ILRUN: variants seen among roughly 807,000 people sequenced by gnomAD.
ILRUN encodes protein ILRUN.
In ILRUN, 3 loss-of-function variants were observed where a neutral mutation model predicts 33.8. That is an observed-to-expected ratio of 0.09 (90% CI 0.04 to 0.23). The LOEUF (loss-of-function observed/expected upper bound fraction) is 0.23. ILRUN is among the 10% of genes least tolerant of loss of function. The pLI is 1.00. For missense variants in ILRUN, 210 were observed against 375.1 expected, an observed-to-expected ratio of 0.56 and a Z score of 3.64; for synonymous variants, 124 against 138.9, an observed-to-expected ratio of 0.89 and a Z score of 0.75.
At chr6:34,652,139 T>C (rs910072609) in intron 2 of ILRUN, among the ~76,000 whole-genome samples, 12 of 152,026 alleles carry the variant, frequency 7.9e-5, no homozygotes, top group Admixed American at 7.2e-4. Flanking sequence ...AAATTCAGAA[T>C]AAAAACATGA....
chr6:34,635,760 T>G (rs1333813821), intron 3 of ILRUN, among the ~76,000 whole-genome samples: 3 of 151,954 alleles, frequency 2.0e-5, no homozygotes, highest in African/African-American at 4.8e-5. Flanking sequence ...GTAGCTGGGA[T>G]TACAGGTACC....
chr6:34,634,646 T>C (rs984865567), intron 3 of ILRUN, among the ~76,000 whole-genome samples: 2 of 152,064 alleles, frequency 1.3e-5, no homozygotes, highest in Non-Finnish European at 2.9e-5. Context: ...AAAAGGATAA[T>C]AAGAGGATAC....
intron 1 of ILRUN, among the ~76,000 whole-genome samples, chr6:34,683,728 G>C (rs896390698): frequency 1.3e-5 from 2 of 151,720 alleles, no homozygotes; most frequent in Non-Finnish European, 2.9e-5. Context: ...TTGGTCTTCA[G>C]TGTTTTAAAA....
intron 4 of ILRUN, among the ~76,000 whole-genome samples, chr6:34,601,085 T>C (rs556515085): frequency 4.6e-5 from 7 of 152,268 alleles, no homozygotes; most frequent in East Asian, 3.9e-4. Flanking sequence ...ACTGAGCCTA[T>C]TGTCTCTGCG....
chr6:34,685,079 T>C (rs1407491651), intron 1 of ILRUN, among the ~76,000 whole-genome samples: 1 of 152,208 alleles, frequency 6.6e-6, no homozygotes, highest in Non-Finnish European at 1.5e-5. Flanking sequence ...GGACTATGCC[T>C]ATGTTACTCT....
In ILRUN at chr6:34,682,262, T is replaced by TTTGTTTTGTTTTG. The variant is rs1562032014; in HGVS notation, c.158+14183_158+14184insCAAAACAAAACAA. 3.9e-3 allele frequency among the ~76,000 whole-genome samples: 517 copies of TTTGTTTTGTTTTG among 133,104 alleles called. 13 individuals are homozygous for TTTGTTTTGTTTTG. The highest frequency in any genetic ancestry group is 0.014 in the African/African-American group (469 of 33,016). 87.3% of individuals were successfully genotyped at this position (133,104 alleles called of 152,430 possible). A position where few individuals can be genotyped will look rare whatever the true frequency, so the allele number is the denominator to read the frequency against. ...TCCCTGCAACCTCTGTTTTTTTTTT[T>TTTGTTTTGTTTTG]TTTTTTTTTTTTTTTGAGACAGTCT... On this transcript the variant is annotated intron_variant, in intron 1 of 4. Coordinates refer to ENST00000374023, the MANE Select transcript of ILRUN (RefSeq NM_024294.4).
chr6:34,696,734 G>A lies in ILRUN; in HGVS notation c.-131C>T, dbSNP rs891472878. ...CCCGCTCCTTTGAGGTAGGCCCCGG[G>A]CCTCTCACAGTCTCATAGGGGTAAA... On this transcript the variant is annotated 5_prime_UTR_variant, in exon 1 of 5. Coordinates refer to ENST00000374023, the MANE Select transcript of ILRUN (RefSeq NM_024294.4). 5.9e-6 allele frequency: 5 copies of A among 845,514 alleles called. No individual in the cohort carries two copies. Among genetic ancestry groups the A allele is most frequent in the African/African-American group, 5.1e-5 (3 of 58,300 alleles). The allele number at this position is 845,514 out of a possible 1,614,324, so 52.4% of individuals were successfully genotyped here.
At chr6:34,609,963 C>T (rs1373313146) in intron 3 of ILRUN, among the ~76,000 whole-genome samples, 1 of 151,930 alleles carries the variant, frequency 6.6e-6, no homozygotes, top group Non-Finnish European at 1.5e-5. Context: ...TCGAGACCAT[C>T]CTGGCTAACA....
intron 1 of ILRUN, among the ~76,000 whole-genome samples, chr6:34,688,183 T>A (rs1277465368): frequency 6.6e-6 from 1 of 151,988 alleles, no homozygotes; most frequent in Non-Finnish European, 1.5e-5. Flanking sequence ...TGCAGGTGGA[T>A]CCCTTAAGCC....
At chr6:34,622,813 G>A (rs1415139287) in intron 3 of ILRUN, among the ~76,000 whole-genome samples, 1 of 152,168 alleles carries the variant, frequency 6.6e-6, no homozygotes, top group Admixed American at 6.5e-5. Flanking sequence ...TTCATTCATA[G>A]CAGCATTACT....
At position 34,673,904 on chromosome 6, in the gene ILRUN, TACACAC is replaced by T. The variant is rs370280008; in HGVS notation, c.159-19131_159-19126del. Among the ~76,000 whole-genome samples the T allele has an allele frequency of 9.8e-4, 111 of 113,006 alleles. 4 individuals are homozygous for T. Among genetic ancestry groups the T allele is most frequent in the African/African-American group, 2.7e-3 (76 of 28,088 alleles). The allele number at this position is 113,006 out of a possible 152,430, so 74.1% of individuals were successfully genotyped here. On this transcript the variant is annotated intron_variant, in intron 1 of 4. Transcript: ENST00000374023. ...TGTCTCAAAAACAGTAACAACCACA[TACACAC>T]ACACACACACACACACACACACACA...
At chr6:34,657,577 T>C (rs546005833) in intron 1 of ILRUN, among the ~76,000 whole-genome samples, 1 of 152,346 alleles carries the variant, frequency 6.6e-6, no homozygotes, top group South Asian at 2.1e-4. Flanking sequence ...ACTGGAATCC[T>C]GGCAGGAAGC....
At chr6:34,620,427 A>G (rs1433679459) in intron 3 of ILRUN, among the ~76,000 whole-genome samples, 2 of 152,212 alleles carry the variant, frequency 1.3e-5, no homozygotes, top group East Asian at 3.8e-4. Context: ...TGTTAAGGGT[A>G]ACGTCTGAGG....
intron 1 of ILRUN, among the ~76,000 whole-genome samples, chr6:34,665,760 AAAAC>A (rs1762982792): frequency 6.6e-6 from 1 of 152,146 alleles, no homozygotes; most frequent in Admixed American, 6.5e-5. Context: ...AAATGCCAAA[AAAAC>A]AAAATTATGA....
intron 3 of ILRUN, among the ~76,000 whole-genome samples, chr6:34,643,224 A>G (rs9469835): frequency 0.45 from 68,517 of 151,168 alleles, 17,519 homozygotes; most frequent in African/African-American, 0.7. Flanking sequence ...ACTTGAACCC[A>G]GGAGGTGGAG....
chr6:34,694,756 GA>G (rs754920405), intron 1 of ILRUN, among the ~76,000 whole-genome samples: 7 of 149,438 alleles, frequency 4.7e-5, no homozygotes, highest in Non-Finnish European at 7.4e-5. Context: ...ATGATGCACA[GA>G]AAAAAAAAAT....
At chr6:34,673,363 A>G (rs1390928030) in intron 1 of ILRUN, among the ~76,000 whole-genome samples, 1 of 152,186 alleles carries the variant, frequency 6.6e-6, no homozygotes, top group South Asian at 2.1e-4. Context: ...AACTGACAGA[A>G]CACCTACAGT....
chr6:34,613,970 G>C (rs1371259197), intron 3 of ILRUN, among the ~76,000 whole-genome samples: 1 of 152,134 alleles, frequency 6.6e-6, no homozygotes, highest in East Asian at 1.9e-4. Context: ...ACATCCTATA[G>C]TAGCAGAAAG....
intron 3 of ILRUN, among the ~76,000 whole-genome samples, chr6:34,613,660 T>G (rs1044635678): frequency 3.3e-5 from 5 of 152,222 alleles, no homozygotes; most frequent in African/African-American, 4.8e-5. Context: ...ATTCTAAAAA[T>G]GAATGCTGTG....
Sources: allele counts gnomAD v4.1 joint callset (sites outside exome capture counted in the v4.1 genomes callset), GRCh38; gene constraint gnomAD v4.1.1; transcripts MANE v1.5; gene names NCBI Gene and HGNC (gene_info 2026-07-23, HGNC 2026-07-21).